The following SMYD3 variants were observed in gnomAD, a reference collection of about 807,000 sequenced individuals.
SMYD3 encodes the protein histone-lysine N-methyltransferase SMYD3.
A neutral mutation model predicts 57.7 loss-of-function variants in SMYD3; 36 were observed. The observed-to-expected ratio is 0.62, with a 90% CI of 0.48 to 0.82. The LOEUF is 0.82. Ranked by LOEUF, SMYD3 falls within the 40% of genes least tolerant of loss-of-function variation. The probability of loss-of-function intolerance (pLI) is 0.00; values close to 1 mark genes in which losing one functional copy is unlikely to be tolerated. For synonymous variants in SMYD3, 211 were observed against 195.0 expected (o/e 1.08, Z -0.68); for missense variants, 515 against 538.8 (o/e 0.96, Z 0.44).
At chr1:246,289,795 C>T (rs956109311) in intron 5 of SMYD3, among the ~76,000 whole-genome samples, 3 of 152,160 alleles carry the variant, frequency 2.0e-5, no homozygotes, top group African/African-American at 7.2e-5. Flanking sequence ...GGTCCACAAC[C>T]ATAATCCAGG....
chr1:246,241,502 T>C (rs1417488446), intron 5 of SMYD3, among the ~76,000 whole-genome samples: 2 of 152,330 alleles, frequency 1.3e-5, no homozygotes, highest in Middle Eastern at 3.4e-3. Flanking sequence ...GCCAGTATTT[T>C]ATTGAGGATT....
intron 1 of SMYD3, among the ~76,000 whole-genome samples, chr1:246,488,684 T>C (rs1193213673): frequency 6.6e-6 from 1 of 152,178 alleles, no homozygotes; most frequent in Non-Finnish European, 1.5e-5. Flanking sequence ...AGACTCCGTC[T>C]CAAAAGAAAA....
At chr1:246,108,052 C>A (rs1040051586) in intron 5 of SMYD3, among the ~76,000 whole-genome samples, 2 of 152,118 alleles carry the variant, frequency 1.3e-5, no homozygotes, top group Non-Finnish European at 2.9e-5. Context: ...GAAACTTGGC[C>A]ATAAAATGAA....
intron 5 of SMYD3, among the ~76,000 whole-genome samples, chr1:246,160,615 C>A (rs1340888034): frequency 2.0e-5 from 3 of 152,188 alleles, no homozygotes; most frequent in Admixed American, 1.3e-4. Context: ...ATCAGAGAAT[C>A]AAGAGGTCTA....
chr1:245,985,782 C>A (rs1373789471), intron 5 of SMYD3, among the ~76,000 whole-genome samples: 1 of 152,012 alleles, frequency 6.6e-6, no homozygotes, highest in African/African-American at 2.4e-5. Flanking sequence ...TATTTTATTC[C>A]CTCTGCTTGG....
At chr1:246,208,085 G>C (rs1402104870) in intron 5 of SMYD3, among the ~76,000 whole-genome samples, 2 of 152,092 alleles carry the variant, frequency 1.3e-5, no homozygotes, top group African/African-American at 2.4e-5. Context: ...AAATAGGTGA[G>C]ATTTGAAATT....
chr1:246,220,503 A>G (rs556401785), intron 5 of SMYD3, among the ~76,000 whole-genome samples: 1 of 152,254 alleles, frequency 6.6e-6, no homozygotes, highest in African/African-American at 2.4e-5. Flanking sequence ...GGGCCCAGGA[A>G]GGCCCCTGAC....
At chr1:245,848,277 C>CTGTGTGTG in intron 10 of SMYD3, among the ~76,000 whole-genome samples, 1 of 150,254 alleles carries the variant, frequency 6.7e-6, no homozygotes, top group East Asian at 2.0e-4. Flanking sequence ...TTATTTTTTT[C>CTGTGTGTG]TGTGTGTGTG....
intron 5 of SMYD3, among the ~76,000 whole-genome samples, chr1:246,034,001 T>C (rs2059725346): frequency 6.6e-6 from 1 of 152,118 alleles, no homozygotes; most frequent in African/African-American, 2.4e-5. Context: ...AAAATAATCA[T>C]ATTTCAGAAT....
intron 5 of SMYD3, among the ~76,000 whole-genome samples, chr1:246,121,289 T>C (rs2061420662): frequency 6.6e-6 from 1 of 152,172 alleles, no homozygotes; most frequent in African/African-American, 2.4e-5. Context: ...TGGAAGTTAT[T>C]CCCTGTCTTG....
At chr1:246,249,395 T>C (rs549628492) in intron 5 of SMYD3, among the ~76,000 whole-genome samples, 1 of 152,162 alleles carries the variant, frequency 6.6e-6, no homozygotes, top group Non-Finnish European at 1.5e-5. Context: ...TGAGCCACCG[T>C]ACCTGGCCTG....
At chr1:245,928,075 T>C (rs1481305230) in intron 6 of SMYD3, 42 bp from the exon 7 acceptor site, 2 of 1,520,036 alleles carry the variant, frequency 1.3e-6, no homozygotes, top group Admixed American at 1.7e-5. Flanking sequence ...GCTCAGCAGG[T>C]AGAGTCAACT....
rs35826530 is a variant in SMYD3 at position 246,463,833 on chromosome 1, C to CAAAAA, written c.164+43216_164+43220dup. On this transcript the variant is annotated intron_variant, in intron 1 of 11. Coordinates refer to ENST00000490107, the MANE Select transcript of SMYD3 (RefSeq NM_001167740.2). Reference sequence around the variant, plus strand: ...CCTGGGAGACGGCGAGACCCCGTCTCAAAAAAAAAAAAAAAAAAAAAAGAG... The same window carrying CAAAAA: ...CCTGGGAGACGGCGAGACCCCGTCTCAAAAAAAAAAAAAAAAAAAAAAAAAAAGAG... Among the ~76,000 whole-genome samples the CAAAAA allele has an allele frequency of 8.8e-3, 622 of 70,406 alleles. 22 individuals are homozygous for CAAAAA. Among genetic ancestry groups the CAAAAA allele is most frequent in the African/African-American group, 0.02 (324 of 16,304 alleles). The allele number at this position is 70,406 out of a possible 152,430, so 46.2% of individuals were successfully genotyped here.
At chr1:245,961,883 A>T (rs897186159) in intron 5 of SMYD3, among the ~76,000 whole-genome samples, 6 of 152,344 alleles carry the variant, frequency 3.9e-5, no homozygotes, top group Non-Finnish European at 7.3e-5. Context: ...CCCAGAATAC[A>T]GTAAGCTGCC....
At chr1:246,149,487 A>C (rs1020169871) in intron 5 of SMYD3, among the ~76,000 whole-genome samples, 4 of 152,192 alleles carry the variant, frequency 2.6e-5, no homozygotes, top group African/African-American at 9.6e-5. Context: ...CAGAAGTGAT[A>C]ATTTTTTTTC....
chr1:246,184,641 C>T (rs1170537067), intron 5 of SMYD3, among the ~76,000 whole-genome samples: 3 of 152,166 alleles, frequency 2.0e-5, no homozygotes, highest in South Asian at 2.1e-4. Flanking sequence ...TGAGGTCATA[C>T]AGGTGGGGAC....
intron 8 of SMYD3, among the ~76,000 whole-genome samples, chr1:245,885,541 GC>G (rs2053043230): frequency 6.6e-6 from 1 of 152,134 alleles, no homozygotes; most frequent in South Asian, 2.1e-4. Context: ...CTCACTATCT[GC>G]CCAACTAATT....
At chr1:246,006,541 G>A (rs1458031207) in intron 5 of SMYD3, among the ~76,000 whole-genome samples, 1 of 151,472 alleles carries the variant, frequency 6.6e-6, no homozygotes, top group Non-Finnish European at 1.5e-5. Context: ...AAAGTGATAT[G>A]CAGCCCCTGT....
At chr1:246,336,265 G>A (rs1030799373) in intron 2 of SMYD3, among the ~76,000 whole-genome samples, 3 of 152,106 alleles carry the variant, frequency 2.0e-5, no homozygotes, top group African/African-American at 7.2e-5. Flanking sequence ...CCTTTCACAC[G>A]GAATCACTTT....
Sources: gnomAD v4.1 joint callset for allele counts (sites outside exome capture counted in the v4.1 genomes callset) on GRCh38, gnomAD v4.1.1 for gene constraint, MANE v1.5 for transcripts, NCBI Gene and HGNC (gene_info 2026-07-23, HGNC 2026-07-21) for gene names.